Variants in DPP6 observed in about 807,000 individuals in gnomAD.
The protein encoded by DPP6 is dipeptidyl peptidase like 6, also known as A-type potassium channel modulatory protein DPP6.
A neutral mutation model predicts 122.6 loss-of-function variants in DPP6; 69 were observed. The observed-to-expected ratio is 0.56, with a 90% CI of 0.46 to 0.69. The LOEUF is 0.69. Ranked by LOEUF, DPP6 falls within the 30% of genes least tolerant of loss-of-function variation. The pLI is 0.00. For synonymous variants in DPP6, 418 were observed against 433.1 expected, an observed-to-expected ratio of 0.97 and a Z score of 0.43; for missense variants, 928 against 1,116.9, an observed-to-expected ratio of 0.83 and a Z score of 2.41.
intron 1 of DPP6, among the ~76,000 whole-genome samples, chr7:154,199,323 A>G (rs945780884): frequency 6.6e-5 from 10 of 152,140 alleles, no homozygotes; most frequent in Admixed American, 1.3e-4. Flanking sequence ...TGCTCCTAAA[A>G]TGCACGTTAA....
At chr7:154,045,602 C>T (rs890451869) in intron 1 of DPP6, among the ~76,000 whole-genome samples, 12 of 152,192 alleles carry the variant, frequency 7.9e-5, no homozygotes, top group Non-Finnish European at 1.5e-4. Flanking sequence ...AAAAATGCTA[C>T]TTGGTGCTGC....
chr7:154,748,077 G>A (rs113847182), intron 8 of DPP6, among the ~76,000 whole-genome samples: 1 of 152,154 alleles, frequency 6.6e-6, no homozygotes, highest in Non-Finnish European at 1.5e-5. Context: ...GGAGACACTC[G>A]GAACTCAACA....
intron 1 of DPP6, among the ~76,000 whole-genome samples, chr7:154,418,431 C>T (rs999964341): frequency 6.6e-6 from 1 of 152,186 alleles, no homozygotes; most frequent in African/African-American, 2.4e-5. Context: ...AATATTTAAT[C>T]CATTTATCAA....
intron 1 of DPP6, among the ~76,000 whole-genome samples, chr7:154,221,078 C>T (rs971506397): frequency 1.3e-5 from 2 of 152,042 alleles, no homozygotes; most frequent in East Asian, 1.9e-4. Flanking sequence ...TTAGGCCTCA[C>T]CCTCGTTATT....
chr7:154,578,440 G>A lies in DPP6; in HGVS notation c.627+11524G>A, dbSNP rs910872273. The stretch of plus-strand genomic sequence containing the variant: ...GAGTTTATGATAGATGGAAGTTTGA[G>A]CATTGAGAGAACCTTGGGTACCGTC... On this transcript the variant is annotated intron_variant, in intron 5 of 25. Coordinates refer to ENST00000377770, the MANE Select transcript of DPP6 (RefSeq NM_130797.4). Among the ~76,000 whole-genome samples the A allele has an allele frequency of 9.9e-3, 1,507 of 152,176 alleles. 21 individuals are homozygous for A. Among genetic ancestry groups the A allele is most frequent in the African/African-American group, 0.034 (1,406 of 41,504 alleles).
intron 1 of DPP6, among the ~76,000 whole-genome samples, chr7:154,083,064 T>C (rs912118921): frequency 9.2e-5 from 14 of 152,156 alleles, no homozygotes; most frequent in Non-Finnish European, 2.1e-4. Flanking sequence ...TTAGCCAGGA[T>C]GGTCTCGATC....
intron 3 of DPP6, among the ~76,000 whole-genome samples, chr7:154,510,307 T>C (rs1195456370): frequency 6.6e-6 from 1 of 152,162 alleles, no homozygotes; most frequent in Non-Finnish European, 1.5e-5. Flanking sequence ...TTTCTGATGA[T>C]CTTGACTTTA....
chr7:154,459,764 C>T (rs1360208790), intron 2 of DPP6, among the ~76,000 whole-genome samples: 4 of 139,958 alleles, frequency 2.9e-5, no homozygotes, highest in Admixed American at 1.5e-4. Context: ...CGAGATCATA[C>T]CACTGCACTC....
chr7:153,796,791 G>A, the DPP6 span, among the ~76,000 whole-genome samples: 1 of 152,248 alleles, frequency 6.6e-6, no homozygotes, highest in East Asian at 1.9e-4. Context: ...AGTACTCCGT[G>A]TATATCATCA....
At chr7:154,175,876 C>T (rs563447678) in intron 1 of DPP6, among the ~76,000 whole-genome samples, 14 of 152,112 alleles carry the variant, frequency 9.2e-5, no homozygotes, top group African/African-American at 1.7e-4. Context: ...TTAGTAGAGA[C>T]GGAGTTTCGT....
chr7:153,804,080 T>C, the DPP6 span, among the ~76,000 whole-genome samples: 13,751 of 151,226 alleles, frequency 0.091, 1,155 homozygotes, highest in African/African-American at 0.22. Flanking sequence ...GACTGAGTCT[T>C]ACTCTGTTGC....
chr7:154,365,568 C>CA (rs1471276729), intron 1 of DPP6, among the ~76,000 whole-genome samples: 1 of 152,200 alleles, frequency 6.6e-6, no homozygotes, highest in African/African-American at 2.4e-5. Flanking sequence ...CATTTATGCT[C>CA]AGAGTCCGCC....
At chr7:154,036,013 C>T (rs201089379) in intron 1 of DPP6, among the ~76,000 whole-genome samples, 2 of 1,048 alleles carry the variant, frequency 1.9e-3, no homozygotes, top group East Asian at 0.091. Context: ...GGATTACGCG[C>T]GCGCGCTTGT....
intron 1 of DPP6, among the ~76,000 whole-genome samples, chr7:154,103,113 A>G (rs866963252): frequency 3.9e-5 from 6 of 152,108 alleles, no homozygotes; most frequent in South Asian, 4.1e-4. Flanking sequence ...TATTGCTCCA[A>G]TGGGGTCTGT....
chr7:154,775,894 G>T (rs1351878579), intron 10 of DPP6, among the ~76,000 whole-genome samples: 1 of 152,084 alleles, frequency 6.6e-6, no homozygotes, highest in African/African-American at 2.4e-5. Context: ...TCCCCATCAT[G>T]GTCCAGGGCA....
Position 153,972,572 on chromosome 7 carries a change from T to C in DPP6, c.51+84838T>C, listed in dbSNP as rs1796077366. The stretch of plus-strand genomic sequence containing the variant: ...GTACTTCCAGTATCTTCAGACAAGC[T>C]GCAATTCTTCTAAGGAGCTGAGGGG... On this transcript the variant is annotated intron_variant, in intron 1 of 25. Coordinates refer to the DPP6 transcript ENST00000404039. Among the ~76,000 whole-genome samples the C allele has an allele frequency of 2.8e-5, 4 of 144,746 alleles. No individual in the cohort carries two copies. The South Asian group carries it at 9.2e-4, about 33-fold the overall frequency. 95.0% of individuals were successfully genotyped at this position (144,746 alleles called of 152,430 possible). A position where few individuals can be genotyped will look rare whatever the true frequency, so the allele number is the denominator to read the frequency against.
the DPP6 span, among the ~76,000 whole-genome samples, chr7:153,807,428 C>A: frequency 0.015 from 2,118 of 137,112 alleles, 20 homozygotes; most frequent in Non-Finnish European, 0.024. Flanking sequence ...AACAAACAAA[C>A]AAAAAAAAAA....
At chr7:153,865,404 T>C in the DPP6 span, among the ~76,000 whole-genome samples, 1 of 152,168 alleles carries the variant, frequency 6.6e-6, no homozygotes, top group Non-Finnish European at 1.5e-5. Context: ...CAGGAGACCA[T>C]AATCTTGGCT....
At chr7:154,329,567 C>T (rs575863769) in intron 1 of DPP6, among the ~76,000 whole-genome samples, 33 of 152,284 alleles carry the variant, frequency 2.2e-4, no homozygotes, top group African/African-American at 4.3e-4. Context: ...GAAATAGGAA[C>T]GCTTTCACAC....
Sources: allele counts gnomAD v4.1 joint callset (sites outside exome capture counted in the v4.1 genomes callset), GRCh38; gene constraint gnomAD v4.1.1; transcripts MANE v1.5; gene names NCBI Gene and HGNC (gene_info 2026-07-23, HGNC 2026-07-21).